The following GALNT7 variants were observed in gnomAD, a reference collection of about 807,000 sequenced individuals.
GALNT7 encodes N-acetylgalactosaminyltransferase 7.
Under a neutral mutation model 82.1 loss-of-function variants are expected in GALNT7, and 60 were observed. The observed-to-expected ratio is 0.73, with a 90% CI of 0.59 to 0.91. The LOEUF (loss-of-function observed/expected upper bound fraction) is 0.91. Among genes scored for constraint, GALNT7 ranks in the 40% least tolerant of loss-of-function variants. The probability of loss-of-function intolerance (pLI) is 0.00; values close to 1 mark genes in which losing one functional copy is unlikely to be tolerated. For missense variants in GALNT7, 660 were observed against 804.2 expected, an observed-to-expected ratio of 0.82 and a Z score of 2.17; for synonymous variants, 243 against 275.1, an observed-to-expected ratio of 0.88 and a Z score of 1.15.
chr4:173,225,744 C>T (rs1430484798), intron 1 of GALNT7, among the ~76,000 whole-genome samples: 5 of 152,172 alleles, frequency 3.3e-5, no homozygotes, highest in South Asian at 2.1e-4. Flanking sequence ...ACCCAGGAAG[C>T]GCACTCTGAG....
intron 2 of GALNT7, among the ~76,000 whole-genome samples, chr4:173,273,448 AAAC>A (rs1735796645): frequency 6.6e-6 from 1 of 152,148 alleles, no homozygotes; most frequent in Non-Finnish European, 1.5e-5. Context: ...TGTTGTTTAA[AAAC>A]AACAACAAAA....
intron 2 of GALNT7, among the ~76,000 whole-genome samples, chr4:173,252,759 A>G (rs1240660700): frequency 6.6e-6 from 1 of 152,198 alleles, no homozygotes; most frequent in Non-Finnish European, 1.5e-5. Context: ...TATGTAATGC[A>G]CTGTCCCTGC....
rs140659826 is a variant in GALNT7 at position 173,235,846 on chromosome 4, G to A, written c.127-12134G>A. Among the ~76,000 whole-genome samples the A allele has an allele frequency of 4.6e-3, 695 of 152,242 alleles. 7 individuals carry two copies. Among genetic ancestry groups the A allele is most frequent in the African/African-American group, 0.015 (618 of 41,562 alleles). On this transcript the variant is annotated intron_variant, in intron 1 of 11. Transcript: ENST00000265000. ...TGGGATTACAGGCGTGAGCCACCAC[G>A]CCCGGCCACAAGAAAGCCTTTTCTA...
chr4:173,246,099 T>C (rs1734623403), intron 1 of GALNT7, among the ~76,000 whole-genome samples: 1 of 152,218 alleles, frequency 6.6e-6, no homozygotes, highest in South Asian at 2.1e-4. Flanking sequence ...AACTCAACTT[T>C]CCAGCTTATC....
chr4:173,295,706 G>T, intron 4 of GALNT7, 58 bp from the exon 5 acceptor site: 1 of 1,188,028 alleles, frequency 8.4e-7, no homozygotes. Flanking sequence ...TAAATTGTGT[G>T]TAATATATGA....
At chr4:173,238,610 A>G (rs1461766650) in intron 1 of GALNT7, among the ~76,000 whole-genome samples, 1 of 152,142 alleles carries the variant, frequency 6.6e-6, no homozygotes, top group Admixed American at 6.6e-5. Context: ...ATACTACAAA[A>G]CGATGTATTA....
intron 1 of GALNT7, among the ~76,000 whole-genome samples, chr4:173,239,408 C>T (rs901595326): frequency 2.6e-5 from 4 of 152,124 alleles, no homozygotes; most frequent in East Asian, 1.9e-4. Context: ...ACTAGGTACT[C>T]GGGACACACA....
rs1737481982 is a variant in GALNT7, at chr4:173,313,838, A to G, written c.1390-120A>G. ...TGCATTTGTTGTTTAATTAAATGCC[A>G]GGTCCTGTTGAAATGAATTTGTTAT... is the stretch of plus-strand genomic sequence containing the variant. On this transcript the variant is annotated intron_variant, in intron 8 of 11. Coordinates refer to ENST00000265000, the MANE Select transcript of GALNT7 (RefSeq NM_017423.3). The G allele has an allele frequency of 2.0e-5, 8 of 404,518 alleles. No individual in the cohort carries two copies. The South Asian group carries it at 5.5e-4, about 28-fold the overall frequency. 25.1% of individuals were successfully genotyped at this position (404,518 alleles called of 1,614,324 possible). A position where few individuals can be genotyped will look rare whatever the true frequency, so the allele number is the denominator to read the frequency against.
intron 1 of GALNT7, among the ~76,000 whole-genome samples, chr4:173,171,290 C>T (rs1183097513): frequency 6.6e-6 from 1 of 152,190 alleles, no homozygotes; most frequent in African/African-American, 2.4e-5. Context: ...GTTTCTCCTC[C>T]CCCTTGTGGT....
chr4:173,169,018 C>G, intron 1 of GALNT7, 57 bp downstream of exon 1: 1 of 1,583,390 alleles, frequency 6.3e-7, no homozygotes, highest in South Asian at 1.1e-5. Context: ...GTTTTGTTTG[C>G]CCGCGTGTGG....
chr4:173,176,192 A>G (rs1732037074), intron 1 of GALNT7, among the ~76,000 whole-genome samples: 1 of 152,236 alleles, frequency 6.6e-6, no homozygotes, highest in Non-Finnish European at 1.5e-5. Context: ...ACTATCATGC[A>G]AATCTGGCGG....
chr4:173,281,416 C>T (rs1006763928), intron 2 of GALNT7, among the ~76,000 whole-genome samples: 5 of 152,152 alleles, frequency 3.3e-5, no homozygotes, highest in Non-Finnish European at 7.3e-5. Context: ...AAGAGCCTGT[C>T]GTGTCTTAAG....
intron 2 of GALNT7, among the ~76,000 whole-genome samples, chr4:173,289,308 A>T (rs893941160): frequency 3.3e-5 from 5 of 152,184 alleles, no homozygotes; most frequent in Non-Finnish European, 7.3e-5. Flanking sequence ...CCAATGCACC[A>T]TAATGTAGCA....
intron 1 of GALNT7, among the ~76,000 whole-genome samples, chr4:173,175,226 AT>A (rs536544506): frequency 4.0e-4 from 61 of 152,364 alleles, no homozygotes; most frequent in African/African-American, 1.4e-3. Flanking sequence ...TAAATTAAAG[AT>A]TTCAGTAATA....
At chr4:173,174,081 C>T (rs1731959742) in intron 1 of GALNT7, among the ~76,000 whole-genome samples, 1 of 152,130 alleles carries the variant, frequency 6.6e-6, no homozygotes, top group South Asian at 2.1e-4. Context: ...GGTCACTGTT[C>T]TCTCAGTTTC....
intron 2 of GALNT7, among the ~76,000 whole-genome samples, chr4:173,275,357 G>A (rs985479160): frequency 3.0e-4 from 45 of 152,300 alleles, no homozygotes; most frequent in African/African-American, 9.6e-4. Flanking sequence ...GCCGAGCTCT[G>A]AGTGGGGAAC....
chr4:173,250,424 C>T lies in GALNT7; in HGVS notation c.587+1984C>T, dbSNP rs1485177036. On this transcript the variant is annotated intron_variant, in intron 2 of 11. Coordinates refer to ENST00000265000, the MANE Select transcript of GALNT7 (RefSeq NM_017423.3). ...TAAAGCAGGGCACAGGATTTAGAGACATCCTCTGTGCCTTCCTCCCCTTCA... is the reference window on the plus strand; with the variant it reads ...TAAAGCAGGGCACAGGATTTAGAGATATCCTCTGTGCCTTCCTCCCCTTCA... Among the ~76,000 whole-genome samples, 6 of 152,244 alleles carry T rather than the reference C, an allele frequency of 3.9e-5. No homozygotes were observed. The East Asian group carries it at 1.2e-3, about 29-fold the overall frequency.
chr4:173,316,126 T>G (rs1737591149), intron 9 of GALNT7: 1 of 152,370 alleles, frequency 6.6e-6, no homozygotes, highest in African/African-American at 2.4e-5. Flanking sequence ...CAAAGTCCTT[T>G]CTGGTAGTCT....
intron 2 of GALNT7, among the ~76,000 whole-genome samples, chr4:173,259,723 T>A (rs935255640): frequency 6.6e-6 from 1 of 152,162 alleles, no homozygotes; most frequent in African/African-American, 2.4e-5. Context: ...CTGCAACCTC[T>A]GCCTCCTGGG....
Sources: gnomAD v4.1 joint callset for allele counts (sites outside exome capture counted in the v4.1 genomes callset) on GRCh38, gnomAD v4.1.1 for gene constraint, MANE v1.5 for transcripts, NCBI Gene and HGNC (gene_info 2026-07-23, HGNC 2026-07-21) for gene names.